NAA60: variants seen among roughly 807,000 people sequenced by gnomAD.
NAA60 encodes N-alpha-acetyltransferase 60.
Under a neutral mutation model 26.1 loss-of-function variants are expected in NAA60, and 8 were observed. That is an observed-to-expected ratio of 0.31 (90% CI 0.18 to 0.55). The LOEUF (loss-of-function observed/expected upper bound fraction) is 0.55. NAA60 is among the 20% of genes least tolerant of loss of function. NAA60 has a pLI of 0.93. For missense variants in NAA60, 290 were observed against 311.3 expected (o/e 0.93, Z 0.51); for synonymous variants, 131 against 122.5 (o/e 1.07, Z -0.46).
At chr16:3,484,654 G>A (rs4785935) in intron 6 of NAA60, 45 bp from the exon 7 acceptor site, 113,511 of 1,555,500 alleles carry the variant, frequency 0.073, 4,534 homozygotes, top group Admixed American at 0.087. Flanking sequence ...GTGCCCTGGC[G>A]AGCGTGGTCA....
chr16:3,452,826 G>A (rs1343612397), intron 2 of NAA60, among the ~76,000 whole-genome samples: 3 of 151,388 alleles, frequency 2.0e-5, no homozygotes, highest in Non-Finnish European at 4.4e-5. Flanking sequence ...GTGGTGGTAC[G>A]TGCCTGTAGT....
intron 2 of NAA60, among the ~76,000 whole-genome samples, chr16:3,458,908 G>A (rs1202279859): frequency 1.3e-5 from 2 of 152,136 alleles, no homozygotes; most frequent in Non-Finnish European, 2.9e-5. Flanking sequence ...GGTAAGTGGT[G>A]GGCCTTCTCT....
chr16:3,450,794 T>C (rs1596285536), intron 2 of NAA60, among the ~76,000 whole-genome samples: 1 of 152,114 alleles, frequency 6.6e-6, no homozygotes, highest in Non-Finnish European at 1.5e-5. Flanking sequence ...GTCTCCTGGC[T>C]TTCATTCTTC....
At chr16:3,454,449 C>G (rs1227212139) in intron 2 of NAA60, among the ~76,000 whole-genome samples, 3 of 152,068 alleles carry the variant, frequency 2.0e-5, no homozygotes, top group African/African-American at 7.2e-5. Context: ...GACAGACTCT[C>G]ATAAATAAGG....
intron 2 of NAA60, among the ~76,000 whole-genome samples, chr16:3,455,476 G>A (rs1181062549): frequency 7.4e-6 from 1 of 135,838 alleles, no homozygotes; most frequent in Non-Finnish European, 1.5e-5. Context: ...CTCACTGCAA[G>A]CTCCACCTCC....
At chr16:3,459,280 A>G (rs1340990824) in intron 2 of NAA60, among the ~76,000 whole-genome samples, 1 of 152,220 alleles carries the variant, frequency 6.6e-6, no homozygotes, top group East Asian at 1.9e-4. Flanking sequence ...GACTCTAGAA[A>G]TGCGGCAGTC....
chr16:3,449,863 C>G (rs141137409), intron 2 of NAA60: 14,471 of 378,336 alleles, frequency 0.038, 344 homozygotes, highest in Admixed American at 0.059. Flanking sequence ...TGCACAAGCC[C>G]TCTTTTGTCT....
chr16:3,457,097 T>A (rs1309152323), intron 2 of NAA60, among the ~76,000 whole-genome samples: 1 of 152,048 alleles, frequency 6.6e-6, no homozygotes, highest in Non-Finnish European at 1.5e-5. Context: ...CAGCCAAGAC[T>A]CGAATCTTAT....
chr16:3,471,276 C>A (rs563333183), intron 2 of NAA60, among the ~76,000 whole-genome samples: 1 of 152,024 alleles, frequency 6.6e-6, no homozygotes, highest in East Asian at 1.9e-4. Flanking sequence ...GCAAGGCAGG[C>A]GGATCATGAG....
intron 6 of NAA60, among the ~76,000 whole-genome samples, chr16:3,483,969 G>A (rs907009832): frequency 1.3e-5 from 2 of 152,182 alleles, no homozygotes; most frequent in African/African-American, 4.8e-5. Context: ...CCCAGAGCCT[G>A]TGCTAGCAGA....
chr16:3,466,816 G>C (rs2035795388), intron 2 of NAA60, among the ~76,000 whole-genome samples: 2 of 152,172 alleles, frequency 1.3e-5, no homozygotes, highest in Admixed American at 1.3e-4. Flanking sequence ...GGGATTCCTG[G>C]AGGGGCTCTG....
chr16:3,481,120 TCTC>T (rs951547230), intron 4 of NAA60, among the ~76,000 whole-genome samples: 4 of 151,906 alleles, frequency 2.6e-5, no homozygotes, highest in Admixed American at 6.6e-5. Context: ...CATTCTTTTC[TCTC>T]CTCTTTTTTT....
At chr16:3,481,490 C>T (rs535628799) in intron 4 of NAA60, among the ~76,000 whole-genome samples, 1 of 152,252 alleles carries the variant, frequency 6.6e-6, no homozygotes, top group African/African-American at 2.4e-5. Flanking sequence ...CCCCTGGTGA[C>T]TGTGTGCCTG....
At chr16:3,480,449 T>C (rs2036753942) in intron 4 of NAA60, among the ~76,000 whole-genome samples, 1 of 147,332 alleles carries the variant, frequency 6.8e-6, no homozygotes, top group Non-Finnish European at 1.5e-5. Context: ...ATACAAAAAT[T>C]AGCCGGGCGT....
chr16:3,483,705 C>T (rs1333107821), intron 6 of NAA60, 108 bp downstream of exon 6: 1 of 826,348 alleles, frequency 1.2e-6, no homozygotes, highest in South Asian at 1.5e-5. Context: ...TTCAGGTGGC[C>T]AAGCTTATGG....
rs986181034 is a variant in NAA60 at position 3,467,467 on chromosome 16, G to A, written c.-6-8755G>A. Among the ~76,000 whole-genome samples, 11 of 152,292 alleles carry A rather than the reference G, an allele frequency of 7.2e-5. 1 individual carries two copies. The highest frequency in any genetic ancestry group is 1.3e-4 in the Admixed American group (2 of 15,304). ...GGCCTTTCCAAGCGCAGCATGACTT[G>A]TTGGTCTTGAAGCAGTGCCTTCGAA... On this transcript the variant is annotated intron_variant, in intron 2 of 7. Coordinates refer to ENST00000407558, the MANE Select transcript of NAA60 (RefSeq NM_001083601.3).
At chr16:3,476,438 G>A in intron 3 of NAA60, 101 bp downstream of exon 3, 1 of 958,820 alleles carries the variant, frequency 1.0e-6, no homozygotes, top group South Asian at 1.6e-5. Flanking sequence ...GGACCGTGCT[G>A]CAAAGATGGG....
intron 2 of NAA60, among the ~76,000 whole-genome samples, chr16:3,462,165 CTTTT>C (rs777403929): frequency 4.1e-5 from 6 of 146,832 alleles, no homozygotes; most frequent in Non-Finnish European, 7.5e-5. Flanking sequence ...TGGCATTTCT[CTTTT>C]TTTGTTTACT....
chr16:3,450,216 C>G lies in NAA60; in HGVS notation c.-7+1676C>G, dbSNP rs553404827. 9.9e-5 allele frequency: 34 copies of G among 344,638 alleles called. No homozygotes were observed. In the East Asian group the frequency reaches 1.4e-3, roughly 14 times the overall value. 21.3% of individuals were successfully genotyped at this position (344,638 alleles called of 1,614,324 possible). A position where few individuals can be genotyped will look rare whatever the true frequency, so the allele number is the denominator to read the frequency against. On this transcript the variant is annotated intron_variant, in intron 2 of 7. Coordinates refer to ENST00000407558, the MANE Select transcript of NAA60 (RefSeq NM_001083601.3). ...GCTAGTCTCATGGAGCTTTTCTGCT[C>G]TTCTGGGAGTGCTCCTGGGGTGGTC...
Sources: gnomAD v4.1 joint callset for allele counts (sites outside exome capture counted in the v4.1 genomes callset) on GRCh38, gnomAD v4.1.1 for gene constraint, MANE v1.5 for transcripts, NCBI Gene and HGNC (gene_info 2026-07-23, HGNC 2026-07-21) for gene names.